The following DLG2 variants were observed in gnomAD, a reference collection of about 807,000 sequenced individuals.
DLG2 encodes discs large MAGUK scaffold protein 2.
A neutral mutation model predicts 132.5 loss-of-function variants in DLG2; 45 were observed. That is an observed-to-expected ratio of 0.34 (90% CI 0.27 to 0.44). The LOEUF (loss-of-function observed/expected upper bound fraction) is 0.44. DLG2 is among the 20% of genes least tolerant of loss of function. DLG2 has a pLI of 1.00. For synonymous variants in DLG2, 424 were observed against 419.6 expected (o/e 1.01, Z -0.13); for missense variants, 1,045 against 1,196.9 (o/e 0.87, Z 1.87).
intron 3 of DLG2, among the ~76,000 whole-genome samples, chr11:85,316,455 T>C (rs1022495262): frequency 6.6e-6 from 1 of 151,984 alleles, no homozygotes. Flanking sequence ...GGGATTAATA[T>C]ATTACCTCAA....
chr11:83,950,224 T>C (rs2085068908), intron 14 of DLG2, among the ~76,000 whole-genome samples: 1 of 152,210 alleles, frequency 6.6e-6, no homozygotes, highest in Admixed American at 6.5e-5. Context: ...CCACAATTCT[T>C]ATGAATTCTA....
At chr11:85,612,593 A>G (rs904505669) in intron 2 of DLG2, among the ~76,000 whole-genome samples, 5 of 152,218 alleles carry the variant, frequency 3.3e-5, no homozygotes, top group African/African-American at 1.2e-4. Flanking sequence ...AGCAAAGAAT[A>G]ATTGAAATCC....
Position 83,598,499 on chromosome 11 carries a change from G to T in DLG2, c.1940+34712C>A, listed in dbSNP as rs548702210. 2.3e-4 allele frequency among the ~76,000 whole-genome samples: 35 copies of T among 152,292 alleles called. No individual in the cohort carries two copies. The South Asian group carries it at 6.4e-3, about 28-fold the overall frequency. ...AAGTCAAAATGGTTCTAATACTGCT[G>T]GCCGTGTGATCTTCAAACATTGATT... On this transcript the variant is annotated intron_variant, in intron 19 of 27. Transcript: ENST00000376104.
intron 4 of DLG2, among the ~76,000 whole-genome samples, chr11:85,211,919 GA>G (rs1282352204): frequency 6.6e-6 from 1 of 151,776 alleles, no homozygotes; most frequent in East Asian, 1.9e-4. Context: ...GCCTGGCAAG[GA>G]AAAAGGTCTC....
intron 3 of DLG2, among the ~76,000 whole-genome samples, chr11:85,592,648 GT>G (rs2079438059): frequency 1.3e-5 from 2 of 152,216 alleles, no homozygotes; most frequent in South Asian, 4.1e-4. Flanking sequence ...TCCCTTAAAT[GT>G]TTTAGATATT....
intron 11 of DLG2, among the ~76,000 whole-genome samples, chr11:84,014,400 A>C (rs572434884): frequency 6.6e-6 from 1 of 152,294 alleles, no homozygotes; most frequent in African/African-American, 2.4e-5. Context: ...CTTCACAAAA[A>C]ATGGTTGAGA....
chr11:83,489,934 G>A (rs926195694), intron 21 of DLG2, among the ~76,000 whole-genome samples: 1 of 147,574 alleles, frequency 6.8e-6, no homozygotes, highest in African/African-American at 2.5e-5. Context: ...TCTTAAGATG[G>A]TGACCAGTAA....
At chr11:85,023,735 T>C (rs948396844) in intron 6 of DLG2, among the ~76,000 whole-genome samples, 4 of 152,086 alleles carry the variant, frequency 2.6e-5, no homozygotes, top group Non-Finnish European at 4.4e-5. Flanking sequence ...GAATATTCTA[T>C]ATAAGATATC....
chr11:83,928,190 T>C (rs2079353354), intron 15 of DLG2, among the ~76,000 whole-genome samples: 3 of 151,672 alleles, frequency 2.0e-5, no homozygotes, highest in Admixed American at 6.6e-5. Context: ...GAAAATAGAA[T>C]ACCCAAAAAG....
chr11:84,442,878 G>A (rs993926922), intron 7 of DLG2, among the ~76,000 whole-genome samples: 10 of 151,914 alleles, frequency 6.6e-5, no homozygotes, highest in Admixed American at 5.3e-4. Flanking sequence ...ATATTAAAAA[G>A]CAAAGCAAAG....
At chr11:84,384,453 CT>C (rs1223001717) in intron 7 of DLG2, among the ~76,000 whole-genome samples, 6 of 151,990 alleles carry the variant, frequency 3.9e-5, no homozygotes, top group Non-Finnish European at 8.8e-5. Flanking sequence ...GGATAGTAAG[CT>C]TTGCAAAATT....
chr11:83,840,709 G>T (rs2057347876), intron 16 of DLG2, among the ~76,000 whole-genome samples: 2 of 152,264 alleles, frequency 1.3e-5, no homozygotes, highest in South Asian at 4.1e-4. Context: ...GTAAAAGCAT[G>T]GTGCAGGTCA....
At chr11:84,736,469 G>C (rs1217337260) in intron 6 of DLG2, among the ~76,000 whole-genome samples, 1 of 151,830 alleles carries the variant, frequency 6.6e-6, no homozygotes, top group Non-Finnish European at 1.5e-5. Flanking sequence ...CTTTAGATAA[G>C]GTTAGAGAGA....
At chr11:83,521,376 T>TA (rs1277845289) in intron 21 of DLG2, among the ~76,000 whole-genome samples, 1 of 152,230 alleles carries the variant, frequency 6.6e-6, no homozygotes, top group African/African-American at 2.4e-5. Context: ...GTTTCAATTT[T>TA]AAAAAGTTTA....
In DLG2 at chr11:84,744,502, T is replaced by TGG. The variant is rs200811106; in HGVS notation, c.358-209772_358-209771insCC. The stretch of plus-strand genomic sequence containing the variant: ...CTTTTCAGGAAGAACTCTTCAGTTC[T>TGG]GACTGCACTAATTAGGGAATTTACC... On this transcript the variant is annotated intron_variant, in intron 6 of 27. Coordinates refer to ENST00000376104, the MANE Select transcript of DLG2 (RefSeq NM_001142699.3). Among the ~76,000 whole-genome samples, 1,433 of 152,336 alleles carry TGG rather than the reference T, an allele frequency of 9.4e-3. 11 individuals are homozygous for TGG. The highest frequency in any genetic ancestry group is 0.014 in the Non-Finnish European group (978 of 68,030).
intron 17 of DLG2, among the ~76,000 whole-genome samples, chr11:83,797,244 A>ATG (rs1594565174): frequency 3.3e-5 from 5 of 152,164 alleles, no homozygotes; most frequent in East Asian, 3.9e-4. Flanking sequence ...GAAGAAGAAG[A>ATG]AGATGATGAT....
At chr11:84,270,790 T>C (rs190467491) in intron 7 of DLG2, among the ~76,000 whole-genome samples, 91 of 152,348 alleles carry the variant, frequency 6.0e-4, no homozygotes, top group African/African-American at 2.1e-3. Context: ...CATCAATATG[T>C]GACTATACTT....
At chr11:84,322,258 A>ACAGT (rs2098409004) in intron 7 of DLG2, among the ~76,000 whole-genome samples, 1 of 152,250 alleles carries the variant, frequency 6.6e-6, no homozygotes, top group Non-Finnish European at 1.5e-5. Context: ...ATGTGTTCCT[A>ACAGT]CAGTCAGCAC....
At chr11:83,558,608 T>C (rs1447901205) in intron 19 of DLG2, among the ~76,000 whole-genome samples, 1 of 152,290 alleles carries the variant, frequency 6.6e-6, no homozygotes, top group East Asian at 1.9e-4. Context: ...AGACATCAAT[T>C]TCACCTAGCA....
Sources: gnomAD v4.1 joint callset for allele counts (sites outside exome capture counted in the v4.1 genomes callset) on GRCh38, gnomAD v4.1.1 for gene constraint, MANE v1.5 for transcripts, NCBI Gene and HGNC (gene_info 2026-07-23, HGNC 2026-07-21) for gene names.